Variants in OSBPL10 observed in about 807,000 individuals in gnomAD.
OSBPL10 encodes the protein oxysterol binding protein like 10.
A neutral mutation model predicts 81.7 loss-of-function variants in OSBPL10; 49 were observed. The ratio of observed to expected loss-of-function variants is 0.60; its 90% CI spans 0.48 to 0.76. OSBPL10 has a LOEUF of 0.76. Ranked by LOEUF, OSBPL10 falls within the 30% of genes least tolerant of loss-of-function variation. OSBPL10 has a pLI of 0.00. For synonymous variants in OSBPL10, 419 were observed against 383.6 expected, an observed-to-expected ratio of 1.09 and a Z score of -1.08; for missense variants, 923 against 987.8, an observed-to-expected ratio of 0.93 and a Z score of 0.88.
intron 2 of OSBPL10, among the ~76,000 whole-genome samples, chr3:31,987,577 T>C (rs990418683): frequency 6.6e-6 from 1 of 152,196 alleles, no homozygotes; most frequent in African/African-American, 2.4e-5. Flanking sequence ...TGTCAGACCA[T>C]TGGCTGGATG....
Position 31,981,192 on chromosome 3 carries a change from C to T in OSBPL10, c.-13G>A, listed in dbSNP as rs1308612313. The T allele has an allele frequency of 2.1e-6, 3 of 1,410,328 alleles. No individual in the cohort carries two copies. Among genetic ancestry groups the T allele is most frequent in the Non-Finnish European group, 1.8e-6 (2 of 1,089,036 alleles). 87.4% of individuals were successfully genotyped at this position (1,410,328 alleles called of 1,614,324 possible). ...CTGCCCTCTCCATGGTCCGTGGGCG[C>T]CCGGGACGCGGGTGCCCGCCGCGGT... On this transcript the variant is annotated 5_prime_UTR_variant, in exon 1 of 12. Transcript: ENST00000396556. This position sits in a 1 kb window ranked among gnomAD's most constrained non-coding sequence, Gnocchi z 4.5.
At chr3:31,721,931 A>G (rs945787229) in intron 6 of OSBPL10, among the ~76,000 whole-genome samples, 5 of 152,162 alleles carry the variant, frequency 3.3e-5, no homozygotes, top group African/African-American at 1.2e-4. Flanking sequence ...ACATTCTTAC[A>G]TGCAATCATT....
At chr3:31,750,087 T>C (rs1422863241) in intron 4 of OSBPL10, among the ~76,000 whole-genome samples, 1 of 149,824 alleles carries the variant, frequency 6.7e-6, no homozygotes, top group Non-Finnish European at 1.5e-5. Flanking sequence ...GAGGCTGAGG[T>C]AGGAGAATCG....
intron 7 of OSBPL10, among the ~76,000 whole-genome samples, chr3:31,693,753 C>T (rs1695627168): frequency 6.6e-6 from 1 of 152,172 alleles, no homozygotes; most frequent in Non-Finnish European, 1.5e-5. Context: ...CACTTGTTAT[C>T]TGGTCTTTTA....
chr3:31,752,366 T>C (rs1381163230), intron 4 of OSBPL10, among the ~76,000 whole-genome samples: 2 of 152,192 alleles, frequency 1.3e-5, no homozygotes, highest in African/African-American at 4.8e-5. Flanking sequence ...CAAGGCATCA[T>C]GATGTTGTAA....
At chr3:31,916,724 C>A (rs760627076) in intron 1 of OSBPL10, among the ~76,000 whole-genome samples, 2 of 152,186 alleles carry the variant, frequency 1.3e-5, no homozygotes, top group Non-Finnish European at 2.9e-5. Flanking sequence ...CTCTCTAAAT[C>A]CCTGATTAAT....
intron 1 of OSBPL10, among the ~76,000 whole-genome samples, chr3:31,918,937 C>T (rs1430931354): frequency 3.3e-5 from 5 of 152,148 alleles, no homozygotes; most frequent in African/African-American, 1.2e-4. Flanking sequence ...TTTGTGGTTT[C>T]GATCTACAAG....
intron 6 of OSBPL10, among the ~76,000 whole-genome samples, chr3:31,723,545 C>A (rs1696720649): frequency 6.6e-6 from 1 of 150,518 alleles, no homozygotes; most frequent in African/African-American, 2.5e-5. Flanking sequence ...TTCTTACACA[C>A]ACACACACAC....
At chr3:31,900,298 C>T (rs536477717) in intron 1 of OSBPL10, among the ~76,000 whole-genome samples, 1 of 152,182 alleles carries the variant, frequency 6.6e-6, no homozygotes, top group Admixed American at 6.5e-5. Context: ...TCACCTTGGC[C>T]TCCCAAAGTG....
chr3:31,921,892 G>C lies in OSBPL10; in HGVS notation c.282-42062C>G, dbSNP rs1696928396. On this transcript the variant is annotated intron_variant, in intron 1 of 11. Transcript: ENST00000396556. ...TGTTGATAGTATGTACCCTTGATAT[G>C]ATGTGATAAAAATGCCACTTTCCCT... Among the ~76,000 whole-genome samples the C allele has an allele frequency of 3.9e-5, 6 of 152,310 alleles. No homozygotes were observed. The South Asian group carries it at 1.0e-3, about 26-fold the overall frequency.
At chr3:31,903,686 A>G (rs1438417995) in intron 1 of OSBPL10, among the ~76,000 whole-genome samples, 1 of 152,154 alleles carries the variant, frequency 6.6e-6, no homozygotes, top group Non-Finnish European at 1.5e-5. Flanking sequence ...CATCAGAGTC[A>G]AACAGCCAAT....
intron 5 of OSBPL10, among the ~76,000 whole-genome samples, chr3:31,742,979 A>G (rs1219135399): frequency 6.6e-6 from 1 of 151,280 alleles, no homozygotes; most frequent in Non-Finnish European, 1.5e-5. Flanking sequence ...AGGAGCCACC[A>G]GTAATGGTAA....
At chr3:31,867,989 C>T (rs1174939560) in intron 3 of OSBPL10, among the ~76,000 whole-genome samples, 2 of 152,166 alleles carry the variant, frequency 1.3e-5, no homozygotes, top group Non-Finnish European at 2.9e-5. Context: ...TTCCTAGTCC[C>T]TCCTCACAGA....
At chr3:32,002,528 A>G (rs533673087) in intron 2 of OSBPL10, among the ~76,000 whole-genome samples, 163 of 152,310 alleles carry the variant, frequency 1.1e-3, no homozygotes, top group African/African-American at 3.8e-3. Flanking sequence ...CAATAAGATT[A>G]TTATCCATAG....
rs1396228317 is a variant in OSBPL10, at chr3:31,909,897, T to C, written c.282-30067A>G. ...ATACACATTTAAGAAATTAAAGACA[T>C]TAAGATGCCTAAATCCTGGAGCACC... On this transcript the variant is annotated intron_variant, in intron 1 of 11. Coordinates refer to ENST00000396556, the MANE Select transcript of OSBPL10 (RefSeq NM_017784.5). Among the ~76,000 whole-genome samples the C allele has an allele frequency of 2.0e-5, 3 of 151,994 alleles. No homozygotes were observed. In the East Asian group the frequency reaches 5.8e-4, roughly 29 times the overall value.
intron 1 of OSBPL10, among the ~76,000 whole-genome samples, chr3:32,046,817 A>G (rs1192476254): frequency 6.6e-6 from 1 of 152,176 alleles, no homozygotes; most frequent in African/African-American, 2.4e-5. Context: ...CATTTTACAG[A>G]AAAGGAAATT....
At chr3:31,837,875 A>G (rs981854024) in intron 3 of OSBPL10, among the ~76,000 whole-genome samples, 1 of 152,148 alleles carries the variant, frequency 6.6e-6, no homozygotes, top group Non-Finnish European at 1.5e-5. Flanking sequence ...AAAGAAATCA[A>G]TGCAGAATTG....
At chr3:31,772,158 G>C (rs1287268468) in intron 4 of OSBPL10, among the ~76,000 whole-genome samples, 3 of 152,164 alleles carry the variant, frequency 2.0e-5, no homozygotes, top group Non-Finnish European at 4.4e-5. Flanking sequence ...GGGAAATACA[G>C]GGTTAGGTTA....
intron 1 of OSBPL10, among the ~76,000 whole-genome samples, chr3:31,901,054 A>G (rs1696223211): frequency 6.6e-6 from 1 of 152,242 alleles, no homozygotes; most frequent in Non-Finnish European, 1.5e-5. Flanking sequence ...ACATTAAACG[A>G]AAATAGATGT....
Sources: allele counts gnomAD v4.1 joint callset (sites outside exome capture counted in the v4.1 genomes callset), GRCh38; gene constraint gnomAD v4.1.1; non-coding constraint Gnocchi (gnomAD v3.1); transcripts MANE v1.5; gene names NCBI Gene and HGNC (gene_info 2026-07-23, HGNC 2026-07-21).